Variants in USP13 observed in about 807,000 individuals in gnomAD.
USP13 encodes ubiquitin specific peptidase 13, also known as ubiquitin carboxyl-terminal hydrolase 13.
In USP13, 68 loss-of-function variants were observed where a neutral mutation model predicts 107.8. The ratio of observed to expected loss-of-function variants is 0.63; its 90% CI spans 0.52 to 0.77. The LOEUF is 0.77. Among genes scored for constraint, USP13 ranks in the 30% least tolerant of loss-of-function variants. The pLI, the probability that USP13 is intolerant of heterozygous loss-of-function variation, is 0.00. For missense variants in USP13, 945 were observed against 1,093.3 expected (o/e 0.86, Z 1.91); for synonymous variants, 377 against 389.5 (o/e 0.97, Z 0.38).
chr3:179,775,877 C>T (rs1187775911), intron 19 of USP13, among the ~76,000 whole-genome samples: 1 of 152,226 alleles, frequency 6.6e-6, no homozygotes, highest in South Asian at 2.1e-4. Context: ...TCTCCCTCCA[C>T]ACCTTGCAAG....
At chr3:179,719,035 A>G (rs1713211113) in intron 6 of USP13, among the ~76,000 whole-genome samples, 1 of 152,082 alleles carries the variant, frequency 6.6e-6, no homozygotes, top group Admixed American at 6.5e-5. Flanking sequence ...CTGCATTTCT[A>G]ATGAGCTCCC....
intron 19 of USP13, among the ~76,000 whole-genome samples, chr3:179,777,666 G>T (rs962921813): frequency 6.6e-6 from 1 of 151,736 alleles, no homozygotes; most frequent in Non-Finnish European, 1.5e-5. Context: ...TGCCCAGGCT[G>T]GTCTCAAACT....
In USP13 at chr3:179,682,010, G is replaced by A; in HGVS notation, c.294+7G>A. 6.2e-7 allele frequency: 1 copy of A among 1,609,558 alleles called. No homozygotes were observed. Among genetic ancestry groups the A allele is most frequent in the East Asian group, 2.2e-5 (1 of 44,738 alleles). On this transcript the variant is annotated splice_region_variant and intron_variant, in intron 2 of 20. Coordinates refer to ENST00000263966, the MANE Select transcript of USP13 (RefSeq NM_003940.3). Reference sequence around the variant, plus strand: ...GAAAAGACATGTGCGAGAGGTGAGAGCGGCACTTTCAGAGAACTGGCCTTG... The same window carrying A: ...GAAAAGACATGTGCGAGAGGTGAGAACGGCACTTTCAGAGAACTGGCCTTG...
At chr3:179,682,074 C>G (rs1179553207) in intron 2 of USP13, 71 bp downstream of exon 2, 2 of 1,507,752 alleles carry the variant, frequency 1.3e-6, no homozygotes, top group Non-Finnish European at 8.9e-7. Flanking sequence ...TGCTTTCTCA[C>G]GTGGAAATTT....
At chr3:179,783,921 C>A in intron 20 of USP13, 127 bp from the exon 21 acceptor site, 1 of 657,434 alleles carries the variant, frequency 1.5e-6, no homozygotes, top group African/African-American at 1.9e-5. Flanking sequence ...TTTTATACAA[C>A]GAACTTGAGT....
chr3:179,661,870 A>G (rs1720466694), intron 1 of USP13, among the ~76,000 whole-genome samples: 1 of 152,142 alleles, frequency 6.6e-6, no homozygotes, highest in South Asian at 2.1e-4. Context: ...CCACTTTGCT[A>G]TTGCAACTGT....
intron 15 of USP13, 39 bp from the exon 16 acceptor site, chr3:179,757,013 G>A: frequency 6.2e-7 from 1 of 1,611,648 alleles, no homozygotes; most frequent in South Asian, 1.1e-5. Context: ...TCCTCAACAT[G>A]GTTTGGTCTC....
At chr3:179,702,168 C>T (rs1264248340) in intron 4 of USP13, among the ~76,000 whole-genome samples, 2 of 152,122 alleles carry the variant, frequency 1.3e-5, no homozygotes, top group African/African-American at 2.4e-5. Flanking sequence ...TCCAGGCGCC[C>T]GCCATCACGC....
intron 1 of USP13, among the ~76,000 whole-genome samples, chr3:179,675,595 T>C (rs1720871345): frequency 6.6e-6 from 1 of 151,872 alleles, no homozygotes; most frequent in Non-Finnish European, 1.5e-5. Flanking sequence ...TTGCCCAAGC[T>C]GGAGTGCAGT....
intron 13 of USP13, among the ~76,000 whole-genome samples, chr3:179,750,361 A>G (rs1488147933): frequency 7.1e-6 from 1 of 140,054 alleles, no homozygotes; most frequent in African/African-American, 2.6e-5. Context: ...TATATAAAAT[A>G]TCAGACAGAG....
rs531073303 is a variant in USP13 at position 179,675,539 on chromosome 3, A to T, written c.169-6339A>T. On this transcript the variant is annotated intron_variant, in intron 1 of 20. Transcript: ENST00000263966. ...ATGAGTTTTATCTGTAACCTATTTT[A>T]TTATTATTATTATTATTATTATTAT... is the stretch of plus-strand genomic sequence containing the variant. 3.6e-3 allele frequency among the ~76,000 whole-genome samples: 530 copies of T among 148,840 alleles called. 7 individuals carry two copies. Among genetic ancestry groups the T allele is most frequent in the African/African-American group, 0.012 (492 of 40,524 alleles).
At position 179,757,066 on chromosome 3, in the gene USP13, C is replaced by T; in HGVS notation, c.1936C>T (p.Gln646Ter). The change falls in exon 16 of 21, where the codon CAA becomes TAA. Residue 646 changes from glutamine (Q) to a stop codon, truncating the protein, a stop_gained. Coordinates refer to ENST00000263966, the MANE Select transcript of USP13 (RefSeq NM_003940.3). LOFTEE classifies it high-confidence loss of function. ...TTAATTTCCAGATCGCCTGATGAAC[C>T]AATTGATAGACCGTATGTATCTTTA... is the stretch of plus-strand genomic sequence containing the variant. ...PDDSKDRLMN[Q>*]LIDPSDIDES... The T allele has an allele frequency of 6.2e-7, 1 of 1,613,936 alleles. No individual in the cohort carries two copies. The highest frequency in any genetic ancestry group is 8.5e-7 in the Non-Finnish European group (1 of 1,179,850).
Position 179,786,647 on chromosome 3 carries a change from A to T in USP13, c.*2506A>T, listed in dbSNP as rs961582232. ...CTTACTTGCTTAAAAGCATATTTATATGTGTATCTCAATATATACAAGGCA... is the reference window on the plus strand; with the variant it reads ...CTTACTTGCTTAAAAGCATATTTATTTGTGTATCTCAATATATACAAGGCA... On this transcript the variant is annotated 3_prime_UTR_variant, in exon 21 of 21. Transcript: ENST00000263966. 1 of 153,404 alleles carries T rather than the reference A, an allele frequency of 6.5e-6. No individual in the cohort carries two copies. Among genetic ancestry groups the T allele is most frequent in the Admixed American group, 6.5e-5 (1 of 15,298 alleles). The allele number at this position is 153,404 out of a possible 1,614,324, so 9.5% of individuals were successfully genotyped here.
At chr3:179,661,354 T>G (rs991489482) in intron 1 of USP13, among the ~76,000 whole-genome samples, 2 of 152,242 alleles carry the variant, frequency 1.3e-5, no homozygotes, top group African/African-American at 2.4e-5. Flanking sequence ...TGTCATATGT[T>G]GCATGCACAT....
intron 1 of USP13, among the ~76,000 whole-genome samples, chr3:179,675,291 T>C (rs1720862753): frequency 6.6e-6 from 1 of 152,192 alleles, no homozygotes; most frequent in South Asian, 2.1e-4. Context: ...CTTGGATCTA[T>C]TTGGACTTTA....
At chr3:179,781,577 C>A (rs2108557631) in intron 19 of USP13, among the ~76,000 whole-genome samples, 162 bp from the exon 20 acceptor site, 1 of 152,212 alleles carries the variant, frequency 6.6e-6, no homozygotes, top group East Asian at 1.9e-4. Flanking sequence ...TTTAGTGTCC[C>A]TCTGAGTATG....
Position 179,681,999 on chromosome 3 carries a change from G to A in USP13, c.290G>A (p.Arg97Gln), listed in dbSNP as rs762281471. 1.2e-6 allele frequency: 2 copies of A among 1,612,274 alleles called. No individual in the cohort carries two copies. Among genetic ancestry groups the A allele is most frequent in the Non-Finnish European group, 1.7e-6 (2 of 1,178,978 alleles). The change falls in exon 2 of 21, where the codon CGA becomes CAA. Residue 97 changes from arginine to glutamine, a missense_variant. Transcript: ENST00000263966. ...SVYMHLKRHV[R>Q]EKVRGASGGA... ...TACATGCACCTGAAAAGACATGTGC[G>A]AGAGGTGAGAGCGGCACTTTCAGAG...
intron 16 of USP13, among the ~76,000 whole-genome samples, chr3:179,760,353 G>A (rs1390929193): frequency 2.1e-5 from 3 of 140,696 alleles, no homozygotes; most frequent in African/African-American, 5.4e-5. Flanking sequence ...GCGCTATCCC[G>A]GCTCACTGCA....
At chr3:179,749,994 G>T (rs576432280) in intron 13 of USP13, among the ~76,000 whole-genome samples, 1 of 152,096 alleles carries the variant, frequency 6.6e-6, no homozygotes, top group African/African-American at 2.4e-5. Flanking sequence ...GCCGGGTGCC[G>T]TGGCTCACAT....
Sources: allele counts gnomAD v4.1 joint callset (sites outside exome capture counted in the v4.1 genomes callset), GRCh38; gene constraint gnomAD v4.1.1; transcripts MANE v1.5; gene names NCBI Gene and HGNC (gene_info 2026-07-23, HGNC 2026-07-21).